Variants in RIMS2 observed in about 807,000 individuals in gnomAD.
RIMS2 encodes the protein regulating synaptic membrane exocytosis protein 2.
RIMS2 carries 59 observed loss-of-function variants against 174.4 expected under a neutral mutation model. That is an observed-to-expected ratio of 0.34 (90% CI 0.27 to 0.42). The LOEUF is 0.42. Among genes scored for constraint, RIMS2 ranks in the 10% least tolerant of loss-of-function variants. The pLI is 1.00. For missense variants in RIMS2, 1,620 were observed against 1,666.3 expected (o/e 0.97, Z 0.48); for synonymous variants, 606 against 572.5 (o/e 1.06, Z -0.84).
At chr8:103,981,088 G>C (rs1321589258) in intron 16 of RIMS2, among the ~76,000 whole-genome samples, 1 of 152,172 alleles carries the variant, frequency 6.6e-6, no homozygotes, top group South Asian at 2.1e-4. Context: ...GAACATAGGT[G>C]ATAGTAGCCA....
At chr8:103,934,410 A>G (rs970331033) in intron 12 of RIMS2, among the ~76,000 whole-genome samples, 4 of 152,138 alleles carry the variant, frequency 2.6e-5, no homozygotes, top group East Asian at 1.9e-4. Flanking sequence ...TAAAGGCTTT[A>G]TTTATACTTC....
At chr8:103,852,414 CT>C (rs551156624) in intron 3 of RIMS2, among the ~76,000 whole-genome samples, 191 of 141,584 alleles carry the variant, frequency 1.3e-3, no homozygotes, top group Admixed American at 1.7e-3. Flanking sequence ...AAAGCATTTT[CT>C]TTTTTTTTTT....
intron 1 of RIMS2, among the ~76,000 whole-genome samples, chr8:103,551,431 G>T (rs1254324055): frequency 1.3e-5 from 2 of 152,094 alleles, no homozygotes. Flanking sequence ...AATAAACTAG[G>T]TATTGATGGG....
chr8:104,249,840 AC>A (rs1209533265), intron 22 of RIMS2, among the ~76,000 whole-genome samples: 1 of 151,996 alleles, frequency 6.6e-6, no homozygotes, highest in African/African-American at 2.4e-5. Flanking sequence ...AATAAAAACC[AC>A]CCCACTTAGA....
At chr8:103,867,525 T>G (rs2099089553) in intron 3 of RIMS2, among the ~76,000 whole-genome samples, 1 of 151,870 alleles carries the variant, frequency 6.6e-6, no homozygotes, top group African/African-American at 2.4e-5. Context: ...TATAAAAGAA[T>G]GCAAGGAGTT....
At chr8:103,818,232 G>C (rs575864960) in intron 3 of RIMS2, among the ~76,000 whole-genome samples, 8 of 152,042 alleles carry the variant, frequency 5.3e-5, no homozygotes, top group South Asian at 2.1e-4. Context: ...AGGGATAAAA[G>C]GGCAAAGAGT....
At chr8:104,115,746 C>G (rs140425952) in intron 19 of RIMS2, among the ~76,000 whole-genome samples, 1 of 152,152 alleles carries the variant, frequency 6.6e-6, no homozygotes, top group East Asian at 1.9e-4. Context: ...GGCTTAAGAA[C>G]TTGGTAGTGT....
intron 17 of RIMS2, among the ~76,000 whole-genome samples, chr8:104,001,379 A>AT (rs2095381057): frequency 6.6e-6 from 1 of 152,094 alleles, no homozygotes; most frequent in South Asian, 2.1e-4. Flanking sequence ...GTATCCATAA[A>AT]TTTTTTAAAA....
intron 19 of RIMS2, among the ~76,000 whole-genome samples, chr8:104,193,438 T>C (rs1228632050): frequency 6.6e-6 from 1 of 152,176 alleles, no homozygotes; most frequent in East Asian, 1.9e-4. Context: ...CATATATCTC[T>C]CCTTATGAGC....
At chr8:103,876,812 G>A (rs2099139530) in intron 3 of RIMS2, among the ~76,000 whole-genome samples, 1 of 127,624 alleles carries the variant, frequency 7.8e-6, no homozygotes. Flanking sequence ...ATTGTGTGTG[G>A]ATTGTGTATA....
intron 3 of RIMS2, among the ~76,000 whole-genome samples, chr8:103,873,025 T>C (rs914126566): frequency 2.0e-5 from 3 of 152,198 alleles, no homozygotes; most frequent in African/African-American, 7.2e-5. Flanking sequence ...AGAGGTGTTA[T>C]TTGAACTCTA....
At chr8:103,634,452 T>A (rs556378027) in intron 1 of RIMS2, among the ~76,000 whole-genome samples, 105 of 152,318 alleles carry the variant, frequency 6.9e-4, no homozygotes, top group African/African-American at 2.5e-3. Context: ...TGTGGTTGAT[T>A]TTAGAGTATG....
chr8:104,069,940 A>G (rs1272464406), intron 19 of RIMS2, among the ~76,000 whole-genome samples: 3 of 152,212 alleles, frequency 2.0e-5, no homozygotes, highest in East Asian at 3.8e-4. Context: ...ATATGCTGTT[A>G]TGACTTAGTA....
chr8:103,611,969 T>C (rs1041974124), intron 1 of RIMS2, among the ~76,000 whole-genome samples: 1 of 151,682 alleles, frequency 6.6e-6, no homozygotes, highest in African/African-American at 2.4e-5. Flanking sequence ...TTGTTTTTTA[T>C]TTTTTTTCTC....
At chr8:103,938,950 C>A (rs896897249) in intron 13 of RIMS2, among the ~76,000 whole-genome samples, 11 of 152,198 alleles carry the variant, frequency 7.2e-5, no homozygotes, top group Admixed American at 1.3e-4. Context: ...TGGTCTTGGG[C>A]AGCTCTACCC....
intron 1 of RIMS2, among the ~76,000 whole-genome samples, chr8:103,580,453 G>A (rs2093541631): frequency 6.6e-6 from 1 of 151,910 alleles, no homozygotes; most frequent in Admixed American, 6.6e-5. Context: ...GCATGTGTGT[G>A]TGTGTGTGTG....
At chr8:103,713,562 T>A (rs536050753) in intron 2 of RIMS2, among the ~76,000 whole-genome samples, 5 of 152,292 alleles carry the variant, frequency 3.3e-5, no homozygotes, top group African/African-American at 9.6e-5. Context: ...ATTTCCTGTC[T>A]CTCTATGTAA....
intron 6 of RIMS2, among the ~76,000 whole-genome samples, chr8:103,914,678 C>G (rs1212985522): frequency 6.6e-6 from 1 of 152,036 alleles, no homozygotes. Flanking sequence ...AGATACACCC[C>G]GTGATTTTTG....
At chr8:103,861,914 T>G (rs1188132457) in intron 3 of RIMS2, among the ~76,000 whole-genome samples, 1 of 152,186 alleles carries the variant, frequency 6.6e-6, no homozygotes, top group Non-Finnish European at 1.5e-5. Flanking sequence ...ACAAATATTT[T>G]CTCCCATTCT....
Sources: gnomAD v4.1 joint callset for allele counts (sites outside exome capture counted in the v4.1 genomes callset) on GRCh38, gnomAD v4.1.1 for gene constraint, MANE v1.5 for transcripts, NCBI Gene and HGNC (gene_info 2026-07-23, HGNC 2026-07-21) for gene names.